The following MSRA variants were observed in gnomAD, a reference collection of about 807,000 sequenced individuals.
MSRA encodes the protein methionine sulfoxide reductase A, also known as mitochondrial peptide methionine sulfoxide reductase.
In MSRA, 54 loss-of-function variants were observed where a neutral mutation model predicts 31.3. The ratio of observed to expected loss-of-function variants is 1.73; its 90% CI spans 1.39 to 2.17. The LOEUF (loss-of-function observed/expected upper bound fraction) is 2.17. Ranked by LOEUF, MSRA falls within the 30% of genes most tolerant of loss-of-function variation. The pLI, the probability that MSRA is intolerant of heterozygous loss-of-function variation, is 0.00. For synonymous variants in MSRA, 169 were observed against 116.5 expected (o/e 1.45, Z -2.90); for missense variants, 507 against 300.9 (o/e 1.69, Z -5.07).
intron 5 of MSRA, among the ~76,000 whole-genome samples, chr8:10,382,121 C>T (rs536939084): frequency 6.6e-6 from 1 of 152,358 alleles, no homozygotes; most frequent in East Asian, 1.9e-4. Flanking sequence ...CCAGTGACCG[C>T]TGGACTGGGC....
chr8:10,171,743 C>G (rs1049493548), intron 1 of MSRA, among the ~76,000 whole-genome samples: 3 of 152,150 alleles, frequency 2.0e-5, no homozygotes, highest in African/African-American at 7.2e-5. Context: ...TTTAAAATGT[C>G]TTTGCAGTTT....
chr8:10,370,606 G>A (rs1004943212), intron 5 of MSRA, among the ~76,000 whole-genome samples: 1 of 152,196 alleles, frequency 6.6e-6, no homozygotes, highest in South Asian at 2.1e-4. Flanking sequence ...CCTGGTCACC[G>A]CCTTGAGGAG....
intron 1 of MSRA, among the ~76,000 whole-genome samples, chr8:10,115,085 C>T (rs1800581222): frequency 6.6e-6 from 1 of 152,130 alleles, no homozygotes; most frequent in Non-Finnish European, 1.5e-5. Flanking sequence ...TTAACATGAA[C>T]ATGTATTATA....
In MSRA at chr8:10,207,855, C is replaced by A. The variant is rs778089978; in HGVS notation, c.165C>A (p.Asn55Lys). Reference protein sequence around the residue: ...PVAAKHHVNGNRTVEPFPEGT... With the variant: ...PVAAKHHVNGKRTVEPFPEGT... ...TAGCCAAACATCATGTCAATGGCAA[C>A]AGAACAGTCGAACCTTTCCCAGAGG... is the stretch of plus-strand genomic sequence containing the variant. Residue 55 changes from asparagine to lysine, a missense_variant, in exon 2 of 6, where the codon AAC becomes AAA. By Grantham distance (94) the Asn-to-Lys change is moderately conservative (BLOSUM62 0). Coordinates refer to ENST00000317173, the MANE Select transcript of MSRA (RefSeq NM_012331.5). 1.9e-6 allele frequency: 3 copies of A among 1,608,716 alleles called. No individual in the cohort carries two copies. Among genetic ancestry groups the A allele is most frequent in the African/African-American group, 2.7e-5 (2 of 74,206 alleles).
intron 1 of MSRA, among the ~76,000 whole-genome samples, chr8:10,141,825 G>A (rs1051654181): frequency 2.0e-5 from 3 of 152,156 alleles, no homozygotes; most frequent in African/African-American, 7.2e-5. Context: ...TTTTTGCCAG[G>A]TGAAAATGGG....
At chr8:10,186,331 C>T (rs1006224390) in intron 1 of MSRA, among the ~76,000 whole-genome samples, 4 of 152,178 alleles carry the variant, frequency 2.6e-5, no homozygotes, top group African/African-American at 9.7e-5. Flanking sequence ...ACGATGACTG[C>T]ACTCTGCCAT....
intron 3 of MSRA, among the ~76,000 whole-genome samples, chr8:10,283,245 C>T (rs941536954): frequency 2.6e-5 from 4 of 151,952 alleles, no homozygotes; most frequent in Non-Finnish European, 5.9e-5. Context: ...CAGACGTTCT[C>T]TTAGATTTCA....
At chr8:10,079,773 C>T (rs1798189120) in intron 1 of MSRA, among the ~76,000 whole-genome samples, 1 of 152,196 alleles carries the variant, frequency 6.6e-6, no homozygotes, top group Non-Finnish European at 1.5e-5. Flanking sequence ...CTTCTCTTAT[C>T]AGAGCCAAGG....
At chr8:10,117,106 C>T (rs1800742149) in intron 1 of MSRA, among the ~76,000 whole-genome samples, 2 of 152,150 alleles carry the variant, frequency 1.3e-5, no homozygotes, top group Admixed American at 1.3e-4. Flanking sequence ...AATGGCAGCT[C>T]ATATTTCTTG....
intron 1 of MSRA, among the ~76,000 whole-genome samples, chr8:10,128,692 C>T (rs1024706566): frequency 3.3e-5 from 5 of 152,192 alleles, no homozygotes; most frequent in South Asian, 2.1e-4. Flanking sequence ...GTCTCCAGAA[C>T]GGACAGCAGC....
intron 1 of MSRA, among the ~76,000 whole-genome samples, chr8:10,074,806 C>A (rs185331995): frequency 6.6e-6 from 1 of 152,172 alleles, no homozygotes; most frequent in Admixed American, 6.5e-5. Context: ...TTACAGGCAC[C>A]TACCACCATG....
At chr8:10,187,516 A>C (rs1184764312) in intron 1 of MSRA, among the ~76,000 whole-genome samples, 2 of 152,154 alleles carry the variant, frequency 1.3e-5, no homozygotes, top group Admixed American at 6.5e-5. Context: ...CCACCCTTTC[A>C]AAAATCGTTC....
At chr8:10,377,612 G>A (rs1805827649) in intron 5 of MSRA, among the ~76,000 whole-genome samples, 1 of 152,302 alleles carries the variant, frequency 6.6e-6, no homozygotes, top group Admixed American at 6.5e-5. Context: ...CTAGTGAGAT[G>A]TAATACCAAA....
intron 5 of MSRA, among the ~76,000 whole-genome samples, chr8:10,325,622 C>T (rs564404811): frequency 2.4e-4 from 36 of 152,292 alleles, no homozygotes; most frequent in African/African-American, 8.4e-4. Context: ...ATAATACAAA[C>T]ATTGCAAAAT....
At chr8:10,339,136 C>G (rs1292902860) in intron 5 of MSRA, among the ~76,000 whole-genome samples, 1 of 152,166 alleles carries the variant, frequency 6.6e-6, no homozygotes, top group Non-Finnish European at 1.5e-5. Flanking sequence ...TTTCATTGAT[C>G]TCCTCTCTGG....
intron 1 of MSRA, among the ~76,000 whole-genome samples, chr8:10,076,745 T>C (rs1384123439): frequency 1.3e-5 from 2 of 152,072 alleles, no homozygotes; most frequent in Non-Finnish European, 2.9e-5. Flanking sequence ...TGGGTTCTAC[T>C]TTCCTAGTCT....
At chr8:10,232,979 T>C (rs1025150867) in intron 2 of MSRA, among the ~76,000 whole-genome samples, 1 of 152,246 alleles carries the variant, frequency 6.6e-6, no homozygotes, top group African/African-American at 2.4e-5. Flanking sequence ...TTCTACGGAA[T>C]GTAGATGTCC....
At chr8:10,222,213 A>G (rs527811489) in intron 2 of MSRA, among the ~76,000 whole-genome samples, 3 of 152,162 alleles carry the variant, frequency 2.0e-5, no homozygotes, top group Admixed American at 6.5e-5. Flanking sequence ...GAACGTAACT[A>G]CTTTTAATAA....
At chr8:10,174,090 A>T (rs1223839896) in intron 1 of MSRA, among the ~76,000 whole-genome samples, 3 of 152,174 alleles carry the variant, frequency 2.0e-5, no homozygotes, top group Admixed American at 2.0e-4. Context: ...AGGTTAGGGA[A>T]TGTGCCAATT....
Sources: allele counts gnomAD v4.1 joint callset (sites outside exome capture counted in the v4.1 genomes callset), GRCh38; gene constraint gnomAD v4.1.1; transcripts MANE v1.5; gene names NCBI Gene and HGNC (gene_info 2026-07-23, HGNC 2026-07-21).